USH2A: variants seen among roughly 807,000 people sequenced by gnomAD.
USH2A encodes the protein usherin.
A neutral mutation model predicts 538.9 loss-of-function variants in USH2A; 443 were observed. That is an observed-to-expected ratio of 0.82 (90% CI 0.76 to 0.89). USH2A has a LOEUF of 0.89. Among genes scored for constraint, USH2A ranks in the 40% least tolerant of loss-of-function variants. USH2A has a pLI of 0.00. For synonymous variants in USH2A, 2,413 were observed against 2,273.5 expected (o/e 1.06, Z -1.75); for missense variants, 6,633 against 6,324.8 (o/e 1.05, Z -1.65).
At chr1:215,638,221 G>A (rs1169516682) in intron 69 of USH2A, among the ~76,000 whole-genome samples, 1 of 152,056 alleles carries the variant, frequency 6.6e-6, no homozygotes, top group Non-Finnish European at 1.5e-5. Context: ...CTTTATGCAC[G>A]CGAAGTCATA....
chr1:216,323,782 G>A, intron 7 of USH2A, 87 bp from the exon 8 acceptor site: 1 of 1,222,328 alleles, frequency 8.2e-7, no homozygotes, highest in Non-Finnish European at 1.2e-6. Context: ...TTACTACACA[G>A]TATCAATAAA....
chr1:215,662,679 C>T (rs1230533780), intron 64 of USH2A, among the ~76,000 whole-genome samples: 1 of 152,174 alleles, frequency 6.6e-6, no homozygotes, highest in Non-Finnish European at 1.5e-5. Context: ...TGCACTCAGG[C>T]CCTAAAGTTT....
intron 9 of USH2A, 102 bp downstream of exon 9, chr1:216,321,781 A>T: frequency 1.8e-6 from 2 of 1,100,112 alleles, no homozygotes; most frequent in African/African-American, 1.6e-5. Flanking sequence ...ATCAGTTTTT[A>T]AATTTATTTT....
rs1487449651 is a variant in USH2A at position 216,207,336 on chromosome 1, G to C, written c.3253C>G (p.Leu1085Val). Residue 1085 changes from leucine to valine, a missense_variant, in exon 16 of 72, where the codon CTT (leucine) becomes GTT (valine). Leu to Val is a conservative substitution (Grantham distance 32, BLOSUM62 1). Coordinates refer to ENST00000307340, the MANE Select transcript of USH2A (RefSeq NM_206933.4). ...CCATCCCTGAGTAAACTGTAAGTAA[G>C]CCAGTGGGCATTTGGAGAATCAGGT... ...SPPDSPNAHW[L>V]TYSLLRDGFE... 1 of 1,614,022 alleles carries C rather than the reference G, an allele frequency of 6.2e-7. No individual in the cohort carries two copies. The highest frequency in any genetic ancestry group is 8.5e-7 in the Non-Finnish European group (1 of 1,179,954).
At chr1:215,638,418 G>A (rs1243653477) in intron 69 of USH2A, among the ~76,000 whole-genome samples, 1 of 151,918 alleles carries the variant, frequency 6.6e-6, no homozygotes, top group Non-Finnish European at 1.5e-5. Context: ...TCAGGAGTTC[G>A]AGACCTCCCT....
At position 215,808,657 on chromosome 1, in the gene USH2A, G is replaced by A. The variant is rs905820655; in HGVS notation, c.9739+5079C>T. ...AACTATGGTTTGTCTTGTATAGTAT[G>A]TCATGTAAATGCAGTCTCACAGTTG... On this transcript the variant is annotated intron_variant, in intron 49 of 71. Transcript: ENST00000307340. 2.0e-5 allele frequency among the ~76,000 whole-genome samples: 3 copies of A among 152,086 alleles called. No individual in the cohort carries two copies. The South Asian group carries it at 6.2e-4, about 31-fold the overall frequency.
chr1:215,866,336 C>T (rs1420852498), intron 44 of USH2A, among the ~76,000 whole-genome samples: 2 of 152,142 alleles, frequency 1.3e-5, no homozygotes, highest in Non-Finnish European at 1.5e-5. Flanking sequence ...TGGTTTCTAA[C>T]GTTGCAGGAA....
intron 38 of USH2A, among the ~76,000 whole-genome samples, chr1:215,917,157 TCAAA>T (rs1290320836): frequency 6.6e-6 from 1 of 152,118 alleles, no homozygotes; most frequent in Non-Finnish European, 1.5e-5. Context: ...TTGTTATGTC[TCAAA>T]CCACCAACCA....
At chr1:216,086,894 C>A (rs763638851) in intron 23 of USH2A, 74 bp from the exon 24 acceptor site, 171 of 1,145,810 alleles carry the variant, frequency 1.5e-4, no homozygotes, top group Middle Eastern at 6.3e-4. Flanking sequence ...ATAATAAAAT[C>A]CTTCACCAGC....
At chr1:215,763,585 T>C (rs1415018669) in intron 56 of USH2A, among the ~76,000 whole-genome samples, 3 of 151,960 alleles carry the variant, frequency 2.0e-5, no homozygotes, top group South Asian at 2.1e-4. Flanking sequence ...CCTTGAAAAA[T>C]TGATGGAAGT....
chr1:215,772,595 A>C (rs1661323152), intron 55 of USH2A, among the ~76,000 whole-genome samples: 1 of 152,238 alleles, frequency 6.6e-6, no homozygotes, highest in Non-Finnish European at 1.5e-5. Flanking sequence ...TTAGTTCATA[A>C]AAATATGATT....
chr1:215,967,958 C>A (rs945710809), intron 36 of USH2A, among the ~76,000 whole-genome samples: 1 of 152,152 alleles, frequency 6.6e-6, no homozygotes, highest in African/African-American at 2.4e-5. Flanking sequence ...TCATAAAATT[C>A]TCAATCTTAG....
intron 9 of USH2A, among the ~76,000 whole-genome samples, chr1:216,299,867 G>A (rs1324903309): frequency 6.6e-6 from 1 of 152,096 alleles, no homozygotes; most frequent in Non-Finnish European, 1.5e-5. Context: ...AAGATTTTGA[G>A]AGATGATGCC....
At chr1:216,175,514 G>A in intron 20 of USH2A, 32 bp from the exon 21 acceptor site, 6 of 1,609,672 alleles carry the variant, frequency 3.7e-6, no homozygotes, top group Non-Finnish European at 5.1e-6. Flanking sequence ...TTATATTCAA[G>A]AATTTGGTTT....
intron 21 of USH2A, among the ~76,000 whole-genome samples, chr1:216,130,763 C>T (rs908926983): frequency 4.0e-5 from 6 of 150,664 alleles, no homozygotes; most frequent in African/African-American, 9.7e-5. Context: ...TGATTTGTGC[C>T]GCTATAAACA....
intron 55 of USH2A, 103 bp downstream of exon 55, chr1:215,779,740 G>T: frequency 1.4e-6 from 2 of 1,391,622 alleles, no homozygotes; most frequent in Non-Finnish European, 2.0e-6. Flanking sequence ...ACGTCCTTTC[G>T]AAGTGACCTC....
Position 215,867,127 on chromosome 1 carries a change from C to A in USH2A, c.8725G>T (p.Gly2909Cys), listed in dbSNP as rs758347918. The stretch of plus-strand genomic sequence containing the variant: ...GTCACTTCTCGGCTCGGTGTAAAAC[C>A]CACACTGTTGTGTACGAAGAGCATA... ...EYMLFVHNSV[G>C]FTPSREVTVT... is the part of the protein sequence containing the mutation. The change falls in exon 44 of 72, where the codon GGT becomes TGT. Residue 2909 changes from glycine to cysteine, a missense_variant. Coordinates refer to ENST00000307340, the MANE Select transcript of USH2A (RefSeq NM_206933.4). 1 of 1,614,070 alleles carries A rather than the reference C, an allele frequency of 6.2e-7. No individual in the cohort carries two copies. Among genetic ancestry groups the A allele is most frequent in the Non-Finnish European group, 8.5e-7 (1 of 1,180,000 alleles).
chr1:216,042,381 CT>C (rs2030316448), intron 32 of USH2A, among the ~76,000 whole-genome samples: 1 of 151,690 alleles, frequency 6.6e-6, no homozygotes, highest in African/African-American at 2.4e-5. Context: ...ATTATTTTCC[CT>C]ATCTAGTAAA....
chr1:215,880,573 C>A (rs1237559161), intron 41 of USH2A, among the ~76,000 whole-genome samples: 1 of 152,086 alleles, frequency 6.6e-6, no homozygotes, highest in African/African-American at 2.4e-5. Context: ...CTAAAACTAG[C>A]AAAGGTTGTA....
Sources: allele counts gnomAD v4.1 joint callset (sites outside exome capture counted in the v4.1 genomes callset), GRCh38; gene constraint gnomAD v4.1.1; transcripts MANE v1.5; gene names NCBI Gene and HGNC (gene_info 2026-07-23, HGNC 2026-07-21).